ROBO2: variants seen among roughly 807,000 people sequenced by gnomAD.
The protein encoded by ROBO2 is roundabout guidance receptor 2.
In ROBO2, 53 loss-of-function variants were observed where a neutral mutation model predicts 160.8. That is an observed-to-expected ratio of 0.33 (90% CI 0.26 to 0.41). The LOEUF (loss-of-function observed/expected upper bound fraction) is 0.41. ROBO2 is among the 10% of genes least tolerant of loss of function. The pLI is 1.00. For missense variants in ROBO2, 1,577 were observed against 1,722.4 expected, an observed-to-expected ratio of 0.92 and a Z score of 1.49; for synonymous variants, 664 against 611.7, an observed-to-expected ratio of 1.09 and a Z score of -1.26.
intron 2 of ROBO2, among the ~76,000 whole-genome samples, chr3:77,118,505 G>C (rs1168462050): frequency 6.6e-6 from 1 of 152,102 alleles, no homozygotes; most frequent in Non-Finnish European, 1.5e-5. Flanking sequence ...TAGCACTTAT[G>C]CTTCCTCAGA....
At chr3:76,881,414 T>C (rs1473951687) in intron 2 of ROBO2, among the ~76,000 whole-genome samples, 1 of 152,138 alleles carries the variant, frequency 6.6e-6, no homozygotes, top group African/African-American at 2.4e-5. Context: ...ATTTCTTGCG[T>C]TTTAAACTTA....
At chr3:76,766,242 G>A (rs775380242) in intron 2 of ROBO2, among the ~76,000 whole-genome samples, 1 of 151,538 alleles carries the variant, frequency 6.6e-6, no homozygotes, top group Non-Finnish European at 1.5e-5. Flanking sequence ...TCCTACCTCT[G>A]ACCCACTTCA....
At chr3:76,080,221 C>T (rs769278981) in intron 2 of ROBO2, among the ~76,000 whole-genome samples, 4 of 152,160 alleles carry the variant, frequency 2.6e-5, no homozygotes, top group Non-Finnish European at 5.9e-5. Context: ...GACTATCTGA[C>T]CCAGGCTCAG....
intron 2 of ROBO2, among the ~76,000 whole-genome samples, chr3:77,431,721 C>T (rs748320163): frequency 1.3e-5 from 2 of 152,074 alleles, no homozygotes; most frequent in South Asian, 4.2e-4. Context: ...AAGAGCTAGT[C>T]AGTGATGAAA....
intron 2 of ROBO2, among the ~76,000 whole-genome samples, chr3:77,374,502 T>C (rs938009881): frequency 1.3e-5 from 2 of 152,212 alleles, no homozygotes; most frequent in Non-Finnish European, 2.9e-5. Context: ...CTTTTTGGCC[T>C]TAAATAATTG....
At chr3:76,672,585 G>A (rs2092298213) in intron 2 of ROBO2, among the ~76,000 whole-genome samples, 1 of 152,134 alleles carries the variant, frequency 6.6e-6, no homozygotes, top group Admixed American at 6.6e-5. Context: ...ACATTTGAGG[G>A]AGGAAGACAG....
intron 2 of ROBO2, among the ~76,000 whole-genome samples, chr3:76,499,714 A>G (rs2080355753): frequency 6.6e-6 from 1 of 152,236 alleles, no homozygotes; most frequent in Non-Finnish European, 1.5e-5. Context: ...ACACACATGT[A>G]CGTGCAACAG....
intron 23 of ROBO2, chr3:77,632,798 T>C: frequency 1.6e-6 from 1 of 618,506 alleles, no homozygotes; most frequent in Non-Finnish European, 2.5e-6. Flanking sequence ...GGATGCTCCA[T>C]TACCCAAACT....
intron 2 of ROBO2, among the ~76,000 whole-genome samples, chr3:76,101,921 C>T (rs901274442): frequency 2.7e-5 from 4 of 146,938 alleles, no homozygotes; most frequent in Admixed American, 2.7e-4. Flanking sequence ...CCATTGTACC[C>T]CAGGGTGTGA....
At chr3:76,684,132 G>A (rs2092634150) in intron 2 of ROBO2, among the ~76,000 whole-genome samples, 2 of 151,772 alleles carry the variant, frequency 1.3e-5, no homozygotes, top group Non-Finnish European at 2.9e-5. Context: ...TGAGTCTATT[G>A]ATTAAAAAAA....
intron 2 of ROBO2, among the ~76,000 whole-genome samples, chr3:76,619,364 C>T (rs1191518749): frequency 6.6e-6 from 1 of 151,720 alleles, no homozygotes; most frequent in East Asian, 1.9e-4. Flanking sequence ...AAAAAAATAG[C>T]CTCTAGTCTT....
chr3:76,063,535 G>A (rs993924835), intron 2 of ROBO2, among the ~76,000 whole-genome samples: 2 of 150,832 alleles, frequency 1.3e-5, no homozygotes, highest in Admixed American at 1.3e-4. Context: ...TTGTAGAGAT[G>A]AGACCTCACT....
At chr3:76,757,730 A>G (rs1576452632) in intron 2 of ROBO2, among the ~76,000 whole-genome samples, 1 of 151,880 alleles carries the variant, frequency 6.6e-6, no homozygotes, top group African/African-American at 2.4e-5. Flanking sequence ...TGATAATGTC[A>G]TAATTACACA....
chr3:77,367,928 C>T (rs766045968), intron 2 of ROBO2, among the ~76,000 whole-genome samples: 4 of 150,878 alleles, frequency 2.7e-5, no homozygotes, highest in East Asian at 1.9e-4. Context: ...ATGTGAGTTT[C>T]GTTTTATGGA....
intron 2 of ROBO2, among the ~76,000 whole-genome samples, chr3:76,042,837 C>A (rs1443236520): frequency 6.6e-6 from 1 of 152,068 alleles, no homozygotes; most frequent in Non-Finnish European, 1.5e-5. Flanking sequence ...CTGTCACATA[C>A]CCCTTGCTTG....
intron 25 of ROBO2, 134 bp downstream of exon 27, chr3:77,645,038 A>G: frequency 1.1e-6 from 1 of 918,276 alleles, no homozygotes; most frequent in Non-Finnish European, 1.7e-6. Flanking sequence ...GCAATTTTCA[A>G]CAAGTTTGGT....
chr3:76,996,844 T>C (rs1410749614), intron 2 of ROBO2, among the ~76,000 whole-genome samples: 1 of 152,190 alleles, frequency 6.6e-6, no homozygotes, highest in East Asian at 1.9e-4. Context: ...CTGGGTCTGA[T>C]GTTACTGCAT....
chr3:77,594,740 T>C (rs2094258738), intron 17 of ROBO2, among the ~76,000 whole-genome samples: 1 of 152,170 alleles, frequency 6.6e-6, no homozygotes. Context: ...TTTCAATTTA[T>C]ATTATGAGTG....
intron 2 of ROBO2, among the ~76,000 whole-genome samples, chr3:76,436,641 G>A (rs1187726054): frequency 6.6e-6 from 1 of 151,794 alleles, no homozygotes; most frequent in South Asian, 2.1e-4. Flanking sequence ...TGTGCTTAAA[G>A]TTATACAGAA....
Sources: allele counts gnomAD v4.1 joint callset (sites outside exome capture counted in the v4.1 genomes callset), GRCh38; gene constraint gnomAD v4.1.1; transcripts MANE v1.5; gene names NCBI Gene and HGNC (gene_info 2026-07-23, HGNC 2026-07-21).